Variants in CADM2 observed in about 807,000 individuals in gnomAD.
The protein encoded by CADM2 is cell adhesion molecule 2, also known as immunoglobulin superfamily member 4D.
A neutral mutation model predicts 49.8 loss-of-function variants in CADM2; 12 were observed. The ratio of observed to expected loss-of-function variants is 0.24; its 90% CI spans 0.15 to 0.39. CADM2 has a LOEUF of 0.39. Among genes scored for constraint, CADM2 ranks in the 10% least tolerant of loss-of-function variants. The pLI is 1.00. For missense variants in CADM2, 378 were observed against 492.3 expected, an observed-to-expected ratio of 0.77 and a Z score of 2.20; for synonymous variants, 214 against 175.4, an observed-to-expected ratio of 1.22 and a Z score of -1.74.
At chr3:85,182,959 G>GT in intron 1 of CADM2, among the ~76,000 whole-genome samples, 1 of 152,124 alleles carries the variant, frequency 6.6e-6, no homozygotes, top group Admixed American at 6.6e-5. Flanking sequence ...TGTTTAGACT[G>GT]TATCATTTAT....
intron 1 of CADM2, among the ~76,000 whole-genome samples, chr3:85,585,260 T>A (rs62250503): frequency 0.51 from 77,829 of 151,636 alleles, 22,988 homozygotes; most frequent in East Asian, 0.85. Flanking sequence ...AAGTAACCCT[T>A]ACTGTAATTT....
chr3:85,985,794 T>C (rs923080762), intron 8 of CADM2, among the ~76,000 whole-genome samples: 8 of 151,876 alleles, frequency 5.3e-5, no homozygotes, highest in African/African-American at 1.7e-4. Context: ...AAAAAAATCA[T>C]ATACACAAAG....
chr3:85,838,036 A>T (rs1167297109), intron 3 of CADM2, among the ~76,000 whole-genome samples: 1 of 151,778 alleles, frequency 6.6e-6, no homozygotes, highest in Admixed American at 6.6e-5. Context: ...CATTTTGATT[A>T]TCTTCAATGT....
intron 1 of CADM2, among the ~76,000 whole-genome samples, chr3:85,159,025 A>T (rs1035381406): frequency 6.6e-6 from 1 of 152,148 alleles, no homozygotes; most frequent in Non-Finnish European, 1.5e-5. Context: ...TATAAGTTTT[A>T]AAACAGTTTA....
chr3:85,297,797 G>C (rs1214178806), intron 1 of CADM2, among the ~76,000 whole-genome samples: 1 of 151,894 alleles, frequency 6.6e-6, no homozygotes, highest in Non-Finnish European at 1.5e-5. Flanking sequence ...TTATTTATTT[G>C]CATAATTTTG....
At chr3:85,258,458 C>G (rs901471712) in intron 1 of CADM2, among the ~76,000 whole-genome samples, 1 of 151,424 alleles carries the variant, frequency 6.6e-6, no homozygotes, top group Non-Finnish European at 1.5e-5. Flanking sequence ...CCAGTGTGCT[C>G]TTCTGCTCCA....
At chr3:85,186,832 T>C (rs1046861831) in intron 1 of CADM2, among the ~76,000 whole-genome samples, 1 of 152,146 alleles carries the variant, frequency 6.6e-6, no homozygotes, top group African/African-American at 2.4e-5. Context: ...AAGTGTATAA[T>C]ACAGATCTAA....
At chr3:85,835,188 C>T (rs1019471037) in intron 3 of CADM2, among the ~76,000 whole-genome samples, 2 of 151,444 alleles carry the variant, frequency 1.3e-5, no homozygotes, top group Non-Finnish European at 3.0e-5. Context: ...GCTAGGGTTG[C>T]CTTTCCTTTT....
chr3:85,672,657 A>G (rs991315963), intron 1 of CADM2, among the ~76,000 whole-genome samples: 1 of 152,214 alleles, frequency 6.6e-6, no homozygotes, highest in Non-Finnish European at 1.5e-5. Flanking sequence ...CAAAAATATT[A>G]TAACTGAAAA....
intron 1 of CADM2, among the ~76,000 whole-genome samples, chr3:85,198,048 A>G (rs1429768534): frequency 6.6e-6 from 1 of 151,948 alleles, no homozygotes; most frequent in Non-Finnish European, 1.5e-5. Context: ...AGTGAAGCTA[A>G]TAATATGGTT....
intron 3 of CADM2, among the ~76,000 whole-genome samples, chr3:85,830,981 G>A (rs7640821): frequency 0.037 from 5,584 of 151,514 alleles, 319 homozygotes; most frequent in African/African-American, 0.13. Context: ...TTCAACCCTC[G>A]CTCCCTGCAA....
At chr3:85,566,224 G>A (rs187523407) in intron 1 of CADM2, among the ~76,000 whole-genome samples, 4 of 151,984 alleles carry the variant, frequency 2.6e-5, no homozygotes, top group Admixed American at 2.6e-4. Context: ...TCTCCTACTT[G>A]CATCAATTTG....
At chr3:85,268,930 A>G (rs143263918) in intron 1 of CADM2, among the ~76,000 whole-genome samples, 105 of 151,512 alleles carry the variant, frequency 6.9e-4, no homozygotes, top group African/African-American at 2.3e-3. Context: ...CATTATTATT[A>G]CTAGTTTGTA....
At chr3:85,222,178 C>A (rs974380612) in intron 1 of CADM2, among the ~76,000 whole-genome samples, 1 of 152,078 alleles carries the variant, frequency 6.6e-6, no homozygotes. Flanking sequence ...CTGTGACCAG[C>A]GTGAGAATAC....
chr3:85,403,744 G>A (rs1333512218), intron 1 of CADM2, among the ~76,000 whole-genome samples: 1 of 152,106 alleles, frequency 6.6e-6, no homozygotes, highest in African/African-American at 2.4e-5. Flanking sequence ...CAAACTTCCA[G>A]AAGATTATAA....
intron 8 of CADM2, among the ~76,000 whole-genome samples, chr3:85,997,699 C>T (rs1729597681): frequency 6.6e-6 from 1 of 152,086 alleles, no homozygotes; most frequent in African/African-American, 2.4e-5. Flanking sequence ...TTTCACGTTT[C>T]CTACACAATT....
At chr3:85,497,246 C>T (rs2107657788) in intron 1 of CADM2, among the ~76,000 whole-genome samples, 1 of 152,132 alleles carries the variant, frequency 6.6e-6, no homozygotes, top group African/African-American at 2.4e-5. Flanking sequence ...TTAGTCCCTT[C>T]TCAGGTACAT....
chr3:85,487,266 G>C (rs2039456005), intron 1 of CADM2, among the ~76,000 whole-genome samples: 1 of 152,134 alleles, frequency 6.6e-6, no homozygotes, highest in South Asian at 2.1e-4. Flanking sequence ...TATAGTCTCA[G>C]TACTTTGGAG....
chr3:85,715,609 A>G (rs1424332702), intron 1 of CADM2, among the ~76,000 whole-genome samples: 1 of 152,114 alleles, frequency 6.6e-6, no homozygotes, highest in Non-Finnish European at 1.5e-5. Context: ...TCACCCATCA[A>G]TCCTTCATCT....
Sources: allele counts gnomAD v4.1 joint callset (sites outside exome capture counted in the v4.1 genomes callset), GRCh38; gene constraint gnomAD v4.1.1; transcripts MANE v1.5; gene names NCBI Gene and HGNC (gene_info 2026-07-23, HGNC 2026-07-21).